Variants in MSI2 observed in about 807,000 individuals in gnomAD.
MSI2 encodes RNA-binding protein Musashi homolog 2.
In MSI2, 17 loss-of-function variants were observed where a neutral mutation model predicts 45.6. That is an observed-to-expected ratio of 0.37 (90% CI 0.26 to 0.56). MSI2 has a LOEUF of 0.56. Among genes scored for constraint, MSI2 ranks in the 20% least tolerant of loss-of-function variants. The pLI is 0.77. For missense variants in MSI2, 293 were observed against 444.2 expected, an observed-to-expected ratio of 0.66 and a Z score of 3.06; for synonymous variants, 156 against 158.2, an observed-to-expected ratio of 0.99 and a Z score of 0.11.
At chr17:57,309,267 C>G (rs1262237143) in intron 5 of MSI2, among the ~76,000 whole-genome samples, 1 of 152,176 alleles carries the variant, frequency 6.6e-6, no homozygotes, top group Non-Finnish European at 1.5e-5. Flanking sequence ...GGCTAAGGAA[C>G]TTGTAAGCAT....
intron 7 of MSI2, among the ~76,000 whole-genome samples, chr17:57,559,070 A>AG (rs1178069753): frequency 2.0e-5 from 3 of 152,168 alleles, no homozygotes; most frequent in Non-Finnish European, 4.4e-5. Flanking sequence ...CTAAAAAAAA[A>AG]GAAAGAAAGA....
At chr17:57,553,938 C>T (rs539325328) in intron 7 of MSI2, among the ~76,000 whole-genome samples, 1 of 152,136 alleles carries the variant, frequency 6.6e-6, no homozygotes, top group Admixed American at 6.5e-5. Context: ...CAGTCTGGTC[C>T]TTCATGTAGG....
At chr17:57,609,829 G>A (rs1454022803) in intron 8 of MSI2, among the ~76,000 whole-genome samples, 1 of 152,216 alleles carries the variant, frequency 6.6e-6, no homozygotes, top group Admixed American at 6.5e-5. Flanking sequence ...AGCATTCCCC[G>A]CTAGGGAGAG....
intron 6 of MSI2, among the ~76,000 whole-genome samples, chr17:57,519,417 A>C (rs12600468): frequency 0.25 from 38,014 of 151,946 alleles, 5,523 homozygotes; most frequent in African/African-American, 0.4. Context: ...GTATCCTTAG[A>C]GTCACTGCAC....
At position 57,596,502 on chromosome 17, in the gene MSI2, G is replaced by C. The variant is rs1401743271; in HGVS notation, c.455-366G>C. On this transcript the variant is annotated intron_variant, in intron 7 of 13. Coordinates refer to ENST00000284073, the MANE Select transcript of MSI2 (RefSeq NM_138962.4). The surrounding 1 kb of genome is among the most constrained non-coding windows in gnomAD (Gnocchi z 4.6). ...AGGGCTGCTCGCGGAAAGGGCAAGCGTGGCCCCGCAGTGATCCACGAGGCT... is the reference window on the plus strand; with the variant it reads ...AGGGCTGCTCGCGGAAAGGGCAAGCCTGGCCCCGCAGTGATCCACGAGGCT... Among the ~76,000 whole-genome samples, 1 of 152,238 alleles carries C rather than the reference G, an allele frequency of 6.6e-6. No homozygotes were observed. The highest frequency in any genetic ancestry group is 6.5e-5 in the Admixed American group (1 of 15,292).
chr17:57,563,285 A>G (rs1345139516), intron 7 of MSI2, among the ~76,000 whole-genome samples: 1 of 151,894 alleles, frequency 6.6e-6, no homozygotes, highest in East Asian at 1.9e-4. Context: ...TTTTCATACC[A>G]ATGGCTGCAC....
intron 5 of MSI2, chr17:57,274,464 T>C (rs1410927617): frequency 6.6e-6 from 1 of 152,220 alleles, no homozygotes; most frequent in East Asian, 1.9e-4. Flanking sequence ...CATAATAAAG[T>C]GTTTAGAATG....
chr17:57,561,050 G>A (rs573616611), intron 7 of MSI2, among the ~76,000 whole-genome samples: 18 of 152,230 alleles, frequency 1.2e-4, no homozygotes, highest in Admixed American at 7.2e-4. Flanking sequence ...AGCAAATGGC[G>A]GTGAGGTCGG....
chr17:57,337,981 A>G (rs1472909568), intron 5 of MSI2, among the ~76,000 whole-genome samples: 1 of 152,212 alleles, frequency 6.6e-6, no homozygotes, highest in Non-Finnish European at 1.5e-5. Context: ...GATGGTTGTA[A>G]AAACATGATT....
chr17:57,344,921 G>T (rs184696890), intron 5 of MSI2, among the ~76,000 whole-genome samples: 14 of 151,488 alleles, frequency 9.2e-5, no homozygotes, highest in African/African-American at 3.4e-4. Flanking sequence ...AAATTAGCCG[G>T]GCATGGTGGC....
intron 7 of MSI2, among the ~76,000 whole-genome samples, chr17:57,561,851 C>T (rs77725246): frequency 0.01 from 1,585 of 152,276 alleles, 13 homozygotes; most frequent in Non-Finnish European, 0.016. Flanking sequence ...GCAGTGGCCC[C>T]ATTTTAAAGA....
In MSI2 at chr17:57,681,808, TAA is replaced by T. The variant is rs952931037; in HGVS notation, c.*2292_*2293del. ...GTTCAAGTCATAAAACAACAAAACATAAGTTTTATTTAAAAAAAAAAAAAGAA... is the reference window on the plus strand; with the variant it reads ...GTTCAAGTCATAAAACAACAAAACATGTTTTATTTAAAAAAAAAAAAAGAA... On this transcript the variant is annotated 3_prime_UTR_variant, in exon 14 of 14. Coordinates refer to ENST00000284073, the MANE Select transcript of MSI2 (RefSeq NM_138962.4). 7 of 144,586 alleles carry T rather than the reference TAA, an allele frequency of 4.8e-5. No homozygotes were observed. The highest frequency in any genetic ancestry group is 9.9e-5 in the Non-Finnish European group (7 of 70,630). 9.0% of individuals were successfully genotyped at this position (144,586 alleles called of 1,614,324 possible).
At chr17:57,510,074 G>A (rs1393560860) in intron 6 of MSI2, among the ~76,000 whole-genome samples, 2 of 152,020 alleles carry the variant, frequency 1.3e-5, no homozygotes, top group Non-Finnish European at 2.9e-5. Flanking sequence ...TTGTCAGTTT[G>A]TTCTTAATTG....
intron 6 of MSI2, among the ~76,000 whole-genome samples, chr17:57,469,999 C>G (rs1182966519): frequency 6.6e-6 from 1 of 152,208 alleles, no homozygotes; most frequent in South Asian, 2.1e-4. Flanking sequence ...CTTCCCACCT[C>G]TCCCCTTTCT....
chr17:57,458,502 T>G (rs2085160488), intron 6 of MSI2, among the ~76,000 whole-genome samples: 1 of 152,222 alleles, frequency 6.6e-6, no homozygotes, highest in Non-Finnish European at 1.5e-5. Context: ...AGGAAAGAAC[T>G]CTGGGTCACT....
the MSI2 span, among the ~76,000 whole-genome samples, chr17:57,699,989 T>C: frequency 7.9e-5 from 12 of 152,252 alleles, no homozygotes; most frequent in Admixed American, 7.8e-4. Flanking sequence ...GCAATGAAGA[T>C]GAAATCCTGC....
intron 5 of MSI2, among the ~76,000 whole-genome samples, chr17:57,277,059 T>C (rs1179946344): frequency 2.0e-4 from 28 of 141,694 alleles, no homozygotes; most frequent in Non-Finnish European, 2.6e-4. Flanking sequence ...TTTTCTTTTT[T>C]TTTTTTTTTT....
intron 6 of MSI2, among the ~76,000 whole-genome samples, chr17:57,463,330 T>G (rs1249936031): frequency 6.6e-6 from 1 of 152,002 alleles, no homozygotes; most frequent in Non-Finnish European, 1.5e-5. Context: ...TGAAATGACT[T>G]GAAAAAAATT....
intron 6 of MSI2, among the ~76,000 whole-genome samples, chr17:57,510,552 C>G (rs1465814701): frequency 5.0e-4 from 76 of 152,074 alleles, no homozygotes; most frequent in Non-Finnish European, 1.8e-4. Flanking sequence ...CTCAGCCTCC[C>G]AAGTAGCTGG....
Sources: allele counts gnomAD v4.1 joint callset (sites outside exome capture counted in the v4.1 genomes callset), GRCh38; gene constraint gnomAD v4.1.1; non-coding constraint Gnocchi (gnomAD v3.1); transcripts MANE v1.5; gene names NCBI Gene and HGNC (gene_info 2026-07-23, HGNC 2026-07-21).